Variants in EIF4G3 observed in about 807,000 individuals in gnomAD.
The protein encoded by EIF4G3 is eukaryotic translation initiation factor 4 gamma 3, also known as eIF-4-gamma 3.
A neutral mutation model predicts 186.4 loss-of-function variants in EIF4G3; 34 were observed. That is an observed-to-expected ratio of 0.18 (90% CI 0.14 to 0.24). EIF4G3 has a LOEUF of 0.24. EIF4G3 is among the 10% of genes least tolerant of loss of function. The pLI, the probability that EIF4G3 is intolerant of heterozygous loss-of-function variation, is 1.00. For synonymous variants in EIF4G3, 673 were observed against 679.5 expected (o/e 0.99, Z 0.15); for missense variants, 1,536 against 1,948.5 (o/e 0.79, Z 3.99).
chr1:21,155,618 C>T (rs548798973), intron 2 of EIF4G3, among the ~76,000 whole-genome samples: 1 of 151,966 alleles, frequency 6.6e-6, no homozygotes, highest in Admixed American at 6.6e-5. Context: ...ATTGCTTGAG[C>T]CCAGGAGTTG....
chr1:20,871,548 T>C (rs2079194376), intron 20 of EIF4G3, among the ~76,000 whole-genome samples: 1 of 152,230 alleles, frequency 6.6e-6, no homozygotes, highest in Admixed American at 6.5e-5. Flanking sequence ...TTGGGAGGTA[T>C]TATTTTTCAA....
chr1:20,953,603 A>G (rs1238393387), intron 12 of EIF4G3, among the ~76,000 whole-genome samples: 1 of 152,186 alleles, frequency 6.6e-6, no homozygotes, highest in Non-Finnish European at 1.5e-5. Flanking sequence ...CACAATTCAA[A>G]ATTCATTTTT....
chr1:21,115,214 G>A (rs1382095957), intron 2 of EIF4G3, among the ~76,000 whole-genome samples: 5 of 152,154 alleles, frequency 3.3e-5, no homozygotes, highest in Admixed American at 2.6e-4. Context: ...ATTGTAAAGT[G>A]AGACATGTAA....
At chr1:20,825,244 A>T in intron 32 of EIF4G3, 46 bp from the exon 33 acceptor site, 3 of 960,322 alleles carry the variant, frequency 3.1e-6, no homozygotes, top group Non-Finnish European at 4.6e-6. Context: ...CAGTGGAAGA[A>T]GAAACAGAAA....
chr1:20,879,561 G>A, intron 19 of EIF4G3, 41 bp from the exon 20 acceptor site: 1 of 1,217,252 alleles, frequency 8.2e-7, no homozygotes, highest in Non-Finnish European at 1.1e-6. Context: ...TAGAGTAACT[G>A]TGACAATATG....
intron 3 of EIF4G3, among the ~76,000 whole-genome samples, chr1:21,086,693 A>G (rs535879653): frequency 2.6e-5 from 4 of 152,212 alleles, no homozygotes; most frequent in African/African-American, 9.6e-5. Context: ...TAATCCCAGC[A>G]TATTGGAAGG....
Position 21,067,702 on chromosome 1 carries a change from G to A in EIF4G3, c.-195-16708C>T, listed in dbSNP as rs570816466. ...TCTCCATTTAATACACCGTAAAGTC[G>A]AAGTTGAGCTATTTCCAAATCCTAG... is the stretch of plus-strand genomic sequence containing the variant. On this transcript the variant is annotated intron_variant, in intron 3 of 36. Transcript: ENST00000602326. 1.4e-4 allele frequency among the ~76,000 whole-genome samples: 21 copies of A among 152,166 alleles called. No homozygotes were observed. In the South Asian group the frequency reaches 3.5e-3, roughly 26 times the overall value.
At chr1:21,061,380 A>G (rs1021720475) in intron 3 of EIF4G3, among the ~76,000 whole-genome samples, 1 of 152,168 alleles carries the variant, frequency 6.6e-6, no homozygotes, top group African/African-American at 2.4e-5. Context: ...ACTGTGAGAC[A>G]GGATTAGAGG....
In EIF4G3 at chr1:20,893,607, A is replaced by G; in HGVS notation, c.2163T>C (p.Thr721=). ...CTCGAGGCAAAATTCGAGGATCCAG[A>G]GTTCGCATTGGCAATTTGGGTTGGT... The part of the protein sequence containing the change: ...KINQPKLPMR[T]LDPRILPRGP... Residue 721 remains threonine, a synonymous_variant, in exon 18 of 37, where the codon ACT becomes ACC. Transcript: ENST00000602326. 1 of 1,585,306 alleles carries G rather than the reference A, an allele frequency of 6.3e-7. No homozygotes were observed. Among genetic ancestry groups the G allele is most frequent in the Non-Finnish European group, 8.6e-7 (1 of 1,158,238 alleles).
rs200740374 is a variant in EIF4G3 at position 20,868,692 on chromosome 1, T to C, written c.2623-3430A>G. Among the ~76,000 whole-genome samples the C allele has an allele frequency of 3.9e-5, 6 of 152,322 alleles. No homozygotes were observed. The East Asian group carries it at 9.7e-4, about 25-fold the overall frequency. The stretch of plus-strand genomic sequence containing the variant: ...ACTGCAATTTTCACTTAACAGTCCA[T>C]GATCAGCACTAAAATGTGTGTGTTT... On this transcript the variant is annotated intron_variant, in intron 20 of 36. Coordinates refer to ENST00000602326, the MANE Select transcript of EIF4G3 (RefSeq NM_001391906.1).
chr1:20,968,249 G>A (rs1196605696), intron 12 of EIF4G3, among the ~76,000 whole-genome samples: 1 of 150,968 alleles, frequency 6.6e-6, no homozygotes, highest in African/African-American at 2.4e-5. Flanking sequence ...GCACAATCTC[G>A]GCTCACCACA....
chr1:21,008,124 G>C (rs973463192), intron 4 of EIF4G3, among the ~76,000 whole-genome samples: 1 of 152,178 alleles, frequency 6.6e-6, no homozygotes, highest in Non-Finnish European at 1.5e-5. Flanking sequence ...CTGGGCGACA[G>C]AGTGAGAACC....
chr1:20,952,859 G>GCAAGCAAA (rs140142947), intron 12 of EIF4G3, among the ~76,000 whole-genome samples: 2 of 150,986 alleles, frequency 1.3e-5, no homozygotes, highest in Non-Finnish European at 1.5e-5. Context: ...TCGAAAACAA[G>GCAAGCAAA]CAAACAAACA....
intron 4 of EIF4G3, among the ~76,000 whole-genome samples, chr1:21,035,729 T>C (rs1031688671): frequency 1.3e-5 from 2 of 152,314 alleles, no homozygotes; most frequent in Non-Finnish European, 2.9e-5. Context: ...CTGGGGGCCA[T>C]AGGCAGTGGT....
chr1:20,810,787 T>C lies in EIF4G3; in HGVS notation c.4695A>G (p.Gln1565=). ...YLDSDTEKEL[Q]ALYALQASIV... ...TCGATGCTTGTAGTGCATAAAGTGC[T>C]TGCAGTTCCTTCTCTGTATCTGAGT... The change falls in exon 36 of 37, where the codon CAA becomes CAG. Residue 1565 remains glutamine, a synonymous_variant. Transcript: ENST00000602326. This position sits in a 1 kb window ranked among gnomAD's most constrained non-coding sequence, Gnocchi z 4.1. The C allele has an allele frequency of 1.2e-6, 2 of 1,614,178 alleles. No individual in the cohort carries two copies. The highest frequency in any genetic ancestry group is 1.7e-6 in the Non-Finnish European group (2 of 1,180,000).
intron 3 of EIF4G3, among the ~76,000 whole-genome samples, chr1:21,076,837 G>C (rs979977127): frequency 2.6e-5 from 4 of 151,954 alleles, no homozygotes; most frequent in Non-Finnish European, 5.9e-5. Context: ...ACCATGAAAC[G>C]AATACAAGAA....
chr1:21,068,375 T>TAAAAAAAAAAAAAAAAAAAAAAAAA (rs869306512), intron 3 of EIF4G3, among the ~76,000 whole-genome samples: 15 of 67,830 alleles, frequency 2.2e-4, no homozygotes, highest in South Asian at 6.4e-4. Context: ...ACTCTGTCTT[T>TAAAAAAAAAAAAAAAAAAAAAAAAA]AAAAAAAAAA....
chr1:21,041,297 A>G lies in EIF4G3; in HGVS notation c.-67+9569T>C, dbSNP rs2093567008. ...GAGACCAAGTCTCACTATGTTGCCC[A>G]GGCTCATCTCGAACTCTTGGGCTCA... On this transcript the variant is annotated intron_variant, in intron 4 of 36. Transcript: ENST00000602326. 2.0e-5 allele frequency among the ~76,000 whole-genome samples: 3 copies of G among 152,130 alleles called. No individual in the cohort carries two copies. In the South Asian group the frequency reaches 6.2e-4, roughly 32 times the overall value.
At chr1:21,072,953 T>C (rs534341722) in intron 3 of EIF4G3, among the ~76,000 whole-genome samples, 7 of 152,172 alleles carry the variant, frequency 4.6e-5, no homozygotes, top group East Asian at 1.9e-4. Context: ...TTAAGAACCT[T>C]TGGAGATCAG....
Sources: gnomAD v4.1 joint callset for allele counts (sites outside exome capture counted in the v4.1 genomes callset) on GRCh38, gnomAD v4.1.1 for gene constraint, Gnocchi (gnomAD v3.1) non-coding constraint, MANE v1.5 for transcripts, NCBI Gene and HGNC (gene_info 2026-07-23, HGNC 2026-07-21) for gene names.